The following VWC2L variants were observed in gnomAD, a reference collection of about 807,000 sequenced individuals.
VWC2L encodes the protein von Willebrand factor C domain containing 2 like, also known as von Willebrand factor C domain-containing protein 2-like.
Under a neutral mutation model 21.6 loss-of-function variants are expected in VWC2L, and 10 were observed. The ratio of observed to expected loss-of-function variants is 0.46; its 90% CI spans 0.29 to 0.78. The LOEUF (loss-of-function observed/expected upper bound fraction) is 0.78, where lower values mean the gene tolerates loss of function less well. Among genes scored for constraint, VWC2L ranks in the 30% least tolerant of loss-of-function variants. The pLI is 0.10. For synonymous variants in VWC2L, 96 were observed against 94.3 expected, an observed-to-expected ratio of 1.02 and a Z score of -0.10; for missense variants, 209 against 277.1, an observed-to-expected ratio of 0.75 and a Z score of 1.74.
chr2:214,443,975 T>A (rs912407891), intron 3 of VWC2L, among the ~76,000 whole-genome samples: 5 of 152,130 alleles, frequency 3.3e-5, no homozygotes, highest in African/African-American at 1.2e-4. Context: ...GAGAATTTAG[T>A]AAGATAACGG....
intron 3 of VWC2L, among the ~76,000 whole-genome samples, chr2:214,469,797 A>G (rs1442051699): frequency 6.6e-6 from 1 of 152,176 alleles, no homozygotes; most frequent in African/African-American, 2.4e-5. Flanking sequence ...TAAAATGTAA[A>G]CTTTAAGACT....
chr2:214,573,548 G>A (rs1690183716), intron 3 of VWC2L, among the ~76,000 whole-genome samples: 1 of 152,138 alleles, frequency 6.6e-6, no homozygotes, highest in African/African-American at 2.4e-5. Flanking sequence ...TTAAAGCTAG[G>A]TTGGCCCTGG....
intron 3 of VWC2L, among the ~76,000 whole-genome samples, chr2:214,475,163 C>T (rs931805262): frequency 5.9e-5 from 9 of 152,158 alleles, no homozygotes; most frequent in South Asian, 2.1e-4. Flanking sequence ...TGTACCTCAA[C>T]GGGACATTAA....
chr2:214,572,994 C>G (rs1690174636), intron 3 of VWC2L, among the ~76,000 whole-genome samples: 1 of 152,120 alleles, frequency 6.6e-6, no homozygotes, highest in African/African-American at 2.4e-5. Flanking sequence ...GCAGCAAATT[C>G]TAAATGACTC....
chr2:214,498,052 C>T (rs145251398), intron 3 of VWC2L, among the ~76,000 whole-genome samples: 8 of 152,222 alleles, frequency 5.3e-5, no homozygotes, highest in African/African-American at 1.4e-4. Context: ...AGGCTCCACC[C>T]GCTTCAACAT....
At chr2:214,457,569 T>C (rs1405450711) in intron 3 of VWC2L, among the ~76,000 whole-genome samples, 1 of 152,074 alleles carries the variant, frequency 6.6e-6, no homozygotes, top group Non-Finnish European at 1.5e-5. Context: ...CTTGTTCCAG[T>C]TTTTAGAAAA....
chr2:214,499,627 A>T, intron 3 of VWC2L, among the ~76,000 whole-genome samples: 1 of 152,178 alleles, frequency 6.6e-6, no homozygotes, highest in Non-Finnish European at 1.5e-5. Context: ...CGTTGTGCAT[A>T]TGTACCTAGA....
chr2:214,447,377 G>A (rs374028697), intron 3 of VWC2L, among the ~76,000 whole-genome samples: 1 of 152,098 alleles, frequency 6.6e-6, no homozygotes, highest in Non-Finnish European at 1.5e-5. Flanking sequence ...AGATCAAGTG[G>A]TAACTGCTCA....
chr2:214,546,268 C>T (rs1404361886), intron 3 of VWC2L, among the ~76,000 whole-genome samples: 1 of 152,174 alleles, frequency 6.6e-6, no homozygotes, highest in Non-Finnish European at 1.5e-5. Flanking sequence ...GCTTTTGGCA[C>T]ATAGCTGACA....
At chr2:214,496,695 G>A (rs1044506868) in intron 3 of VWC2L, among the ~76,000 whole-genome samples, 4 of 152,100 alleles carry the variant, frequency 2.6e-5, no homozygotes, top group Non-Finnish European at 5.9e-5. Context: ...AATTGTTGTT[G>A]ACAATTAAAA....
At chr2:214,428,544 G>A (rs952964637) in intron 2 of VWC2L, among the ~76,000 whole-genome samples, 1 of 152,028 alleles carries the variant, frequency 6.6e-6, no homozygotes, top group African/African-American at 2.4e-5. Flanking sequence ...ATTAAAATAT[G>A]TTTTCATGTT....
intron 3 of VWC2L, among the ~76,000 whole-genome samples, chr2:214,443,326 C>A (rs1702789632): frequency 6.6e-6 from 1 of 151,924 alleles, no homozygotes; most frequent in African/African-American, 2.4e-5. Flanking sequence ...GAGCTGAGAT[C>A]ACGCCCTTGC....
chr2:214,426,171 C>CAA (rs34411661), intron 2 of VWC2L, among the ~76,000 whole-genome samples: 1,824 of 69,392 alleles, frequency 0.026, 89 homozygotes, highest in Admixed American at 0.047. Context: ...GGCTTCGTCT[C>CAA]AAAAAAAAAA....
chr2:214,494,559 T>C (rs1205158009), intron 3 of VWC2L, among the ~76,000 whole-genome samples: 1 of 152,174 alleles, frequency 6.6e-6, no homozygotes, highest in Non-Finnish European at 1.5e-5. Context: ...TTTGTGACAG[T>C]GTCCTCCATT....
At chr2:214,503,523 A>G (rs1432987470) in intron 3 of VWC2L, among the ~76,000 whole-genome samples, 1 of 152,152 alleles carries the variant, frequency 6.6e-6, no homozygotes, top group Non-Finnish European at 1.5e-5. Flanking sequence ...GTGGCCAAAA[A>G]TTTATTAGGC....
rs1193050489 is a variant in VWC2L, at chr2:214,554,672, A to T, written c.521-21000A>T. The stretch of plus-strand genomic sequence containing the variant: ...GAGCAAAACTCCATCTCAAAACAAA[A>T]CAAACAAACAAAACAAAGCAAAACA... On this transcript the variant is annotated intron_variant, in intron 3 of 3. Transcript: ENST00000312504. Among the ~76,000 whole-genome samples, 3 of 152,160 alleles carry T rather than the reference A, an allele frequency of 2.0e-5. No individual in the cohort carries two copies. The East Asian group carries it at 5.8e-4, about 29-fold the overall frequency.
chr2:214,436,470 C>T (rs1176922422), intron 2 of VWC2L, among the ~76,000 whole-genome samples, 159 bp from the exon 3 acceptor site: 1 of 152,142 alleles, frequency 6.6e-6, no homozygotes, highest in Non-Finnish European at 1.5e-5. Flanking sequence ...GGGTGTCTAA[C>T]TTGCCTTCCA....
At chr2:214,507,384 G>A (rs1010732813) in intron 3 of VWC2L, among the ~76,000 whole-genome samples, 2 of 152,156 alleles carry the variant, frequency 1.3e-5, no homozygotes, top group Non-Finnish European at 2.9e-5. Flanking sequence ...CAAAGTAATT[G>A]CATGTATAGA....
At chr2:214,512,492 A>AT (rs914761641) in intron 3 of VWC2L, among the ~76,000 whole-genome samples, 1 of 152,150 alleles carries the variant, frequency 6.6e-6, no homozygotes, top group African/African-American at 2.4e-5. Context: ...AATCTGTATA[A>AT]TAAACCCCCA....
Sources: allele counts gnomAD v4.1 joint callset (sites outside exome capture counted in the v4.1 genomes callset), GRCh38; gene constraint gnomAD v4.1.1; transcripts MANE v1.5; gene names NCBI Gene and HGNC (gene_info 2026-07-23, HGNC 2026-07-21).